The following TRPV3 variants were observed in gnomAD, a reference collection of about 807,000 sequenced individuals.
TRPV3 encodes the protein VRL-3.
TRPV3 carries 88 observed loss-of-function variants against 87.1 expected under a neutral mutation model. The observed-to-expected ratio is 1.01, with a 90% confidence interval of 0.85 to 1.21. The LOEUF (loss-of-function observed/expected upper bound fraction) is 1.21. TRPV3 is among the 50% of genes most tolerant of loss of function. TRPV3 has a pLI of 0.00. For missense variants in TRPV3, 1,054 were observed against 1,030.1 expected (o/e 1.02, Z -0.32); for synonymous variants, 438 against 423.3 (o/e 1.03, Z -0.43).
chr17:3,550,466 C>T (rs1472847820), intron 2 of TRPV3, among the ~76,000 whole-genome samples: 5 of 151,896 alleles, frequency 3.3e-5, no homozygotes, highest in Non-Finnish European at 5.9e-5. Flanking sequence ...TGCTGGGCTA[C>T]CCGGCTGCTT....
At position 3,518,907 on chromosome 17, in the gene TRPV3, A is replaced by G; in HGVS notation, c.1811-57T>C. 1 of 1,550,424 alleles carries G rather than the reference A, an allele frequency of 6.4e-7. No homozygotes were observed. Among genetic ancestry groups the G allele is most frequent in the South Asian group, 1.2e-5 (1 of 80,780 alleles). ...CTCTCTGCCTGGTAATTACTCTACAAGCTTGCGTGTATTTGCCTACATGAC... is the reference window on the plus strand; with the variant it reads ...CTCTCTGCCTGGTAATTACTCTACAGGCTTGCGTGTATTTGCCTACATGAC... On this transcript the variant is annotated intron_variant, in intron 14 of 17. Transcript: ENST00000576742. The surrounding 1 kb of genome is among the most constrained non-coding windows in gnomAD (Gnocchi z 4.3).
chr17:3,520,486 G>A (rs1020625309), intron 14 of TRPV3, among the ~76,000 whole-genome samples: 3 of 152,210 alleles, frequency 2.0e-5, no homozygotes, highest in Non-Finnish European at 4.4e-5. Context: ...AACACTTGCA[G>A]AACCTATCTT....
intron 15 of TRPV3, among the ~76,000 whole-genome samples, chr17:3,517,398 G>A (rs59211937): frequency 0.26 from 38,988 of 151,664 alleles, 5,459 homozygotes; most frequent in East Asian, 0.57. Flanking sequence ...CGGGCGAATC[G>A]CTTTGAGCTC....
Position 3,544,581 on chromosome 17 carries a change from G to A in TRPV3, c.309C>T (p.Pro103=). The part of the protein sequence containing the change: ...VTETPSNPNS[P]SAQLAKEEQR... The stretch of plus-strand genomic sequence containing the variant: ...TGGAGGGGGAGGGGCAGACTTACCT[G>A]GGGCTGTTGGGATTGGATGGGGTCT... The change falls in exon 4 of 18, where the codon CCC becomes CCT. Residue 103 remains proline, a splice_region_variant and synonymous_variant. Coordinates refer to ENST00000576742, the MANE Select transcript of TRPV3 (RefSeq NM_145068.4). The A allele has an allele frequency of 6.2e-7, 1 of 1,601,410 alleles. No individual in the cohort carries two copies. Among genetic ancestry groups the A allele is most frequent in the South Asian group, 1.1e-5 (1 of 89,646 alleles).
At chr17:3,519,602 CTGGATGGATGGATGGA>C (rs60629683) in intron 14 of TRPV3, among the ~76,000 whole-genome samples, 2 of 93,584 alleles carry the variant, frequency 2.1e-5, no homozygotes, top group Non-Finnish European at 4.1e-5. Flanking sequence ...GGATGGATGA[CTGGATGGATGGATGGA>C]TGGATGGATG....
intron 14 of TRPV3, among the ~76,000 whole-genome samples, chr17:3,520,698 T>C (rs1207577499): frequency 6.6e-6 from 1 of 152,162 alleles, no homozygotes; most frequent in East Asian, 1.9e-4. Flanking sequence ...ATATACCTAA[T>C]GTAAATGACG....
In TRPV3 at chr17:3,530,323, TGCCTCTGCGCCTGGCGCCATG is replaced by T. The variant is rs2074338333; in HGVS notation, c.1066-141_1066-121del. 1 of 982,070 alleles carries T rather than the reference TGCCTCTGCGCCTGGCGCCATG, an allele frequency of 1.0e-6. No homozygotes were observed. 60.8% of individuals were successfully genotyped at this position (982,070 alleles called of 1,614,324 possible). On this transcript the variant is annotated intron_variant, in intron 8 of 17. Coordinates refer to ENST00000576742, the MANE Select transcript of TRPV3 (RefSeq NM_145068.4). The surrounding 1 kb of genome is among the most constrained non-coding windows in gnomAD (Gnocchi z 4.0). Reference sequence around the variant, plus strand: ...CACCCGCCCAGAATGGGTGGAGACCTGCCTCTGCGCCTGGCGCCATGGCCCCTGGGCCCCGTCTTTATCTGT... The same window carrying T: ...CACCCGCCCAGAATGGGTGGAGACCTGCCCCTGGGCCCCGTCTTTATCTGT...
At chr17:3,529,726 A>G (rs1306386345) in intron 9 of TRPV3, among the ~76,000 whole-genome samples, 1 of 151,934 alleles carries the variant, frequency 6.6e-6, no homozygotes, top group Non-Finnish European at 1.5e-5. Context: ...CAATCACCCC[A>G]TCACCCACAC....
rs372424792 is a variant in TRPV3, at chr17:3,518,686, T to C, written c.1975A>G (p.Ile659Val). The change falls in exon 15 of 18, where the codon ATC (isoleucine) becomes GTC (valine). Residue 659 changes from isoleucine to valine, a missense_variant. Ile to Val is a conservative substitution (Grantham distance 29). Transcript: ENST00000576742. The surrounding 1 kb of genome is among the most constrained non-coding windows in gnomAD (Gnocchi z 4.3). ...KYPILFLFLL[I>V]TYVILTFVLL... ...ACAAAGGTGAGGATGACATAGGTGA[T>C]GAGCAGGAACAGAAAGAGAATGGGA... The C allele has an allele frequency of 3.1e-6, 5 of 1,609,804 alleles. No homozygotes were observed. In the African/African-American group the frequency reaches 4.0e-5, roughly 13 times the overall value.
intron 6 of TRPV3, among the ~76,000 whole-genome samples, chr17:3,536,444 C>T (rs562959311): frequency 2.2e-4 from 34 of 152,220 alleles, no homozygotes; most frequent in East Asian, 1.2e-3. Context: ...CAAAATTAGC[C>T]GGCCGTGGGG....
At chr17:3,514,468 G>A (rs2074155539) in intron 17 of TRPV3, 125 bp downstream of exon 17, 1 of 695,752 alleles carries the variant, frequency 1.4e-6, no homozygotes, top group Non-Finnish European at 2.6e-6. Flanking sequence ...AGAGACCTAA[G>A]AAGCATTTCC....
At position 3,527,241 on chromosome 17, in the gene TRPV3, C is replaced by T. The variant is rs79451710; in HGVS notation, c.1504-314G>A. ...ACATCCAGCCTAGCGTTCCAGCCTC[C>T]GAGCCTTTGCTCATGCTGTTCCCCA... On this transcript the variant is annotated intron_variant, in intron 11 of 17. Transcript: ENST00000576742. Among the ~76,000 whole-genome samples the T allele has an allele frequency of 9.4e-3, 1,438 of 152,288 alleles. 32 individuals carry two copies. Among genetic ancestry groups the T allele is most frequent in the East Asian group, 0.093 (482 of 5,178 alleles).
At chr17:3,535,062 G>A (rs1325818963) in intron 7 of TRPV3, among the ~76,000 whole-genome samples, 1 of 151,302 alleles carries the variant, frequency 6.6e-6, no homozygotes. Context: ...CTCCCCTCCT[G>A]CCCCTCTGGG....
At chr17:3,533,501 CTTT>C (rs11378089) in intron 7 of TRPV3, among the ~76,000 whole-genome samples, 1 of 139,254 alleles carries the variant, frequency 7.2e-6, no homozygotes, top group Non-Finnish European at 1.5e-5. Context: ...CTCTGCTTTA[CTTT>C]TTTTTTTTTT....
chr17:3,529,793 G>A (rs887613268), intron 9 of TRPV3, among the ~76,000 whole-genome samples: 5 of 32,766 alleles, frequency 1.5e-4, no homozygotes, highest in African/African-American at 5.1e-4. Flanking sequence ...CACCGCCCCC[G>A]CCACCACCAC....
chr17:3,545,022 AAATAAT>A, intron 3 of TRPV3, 139 bp downstream of exon 3: 1 of 580,348 alleles, frequency 1.7e-6, no homozygotes. Flanking sequence ...TCAAAAAGAT[AAATAAT>A]AATAATAAAG....
At chr17:3,545,629 T>G (rs2074516731) in intron 2 of TRPV3, among the ~76,000 whole-genome samples, 1 of 151,476 alleles carries the variant, frequency 6.6e-6, no homozygotes, top group African/African-American at 2.4e-5. Context: ...CTGAACAAGA[T>G]TCTGAGGGCC....
At chr17:3,524,135 T>C in intron 13 of TRPV3, 63 bp downstream of exon 13, 5 of 1,585,486 alleles carry the variant, frequency 3.2e-6, no homozygotes, top group Non-Finnish European at 4.3e-6. Flanking sequence ...CAGATCTCAG[T>C]TTCCCCATCT....
chr17:3,545,587 C>T lies in TRPV3; in HGVS notation c.120-316G>A, dbSNP rs1244425872. Among the ~76,000 whole-genome samples the T allele has an allele frequency of 2.6e-5, 4 of 151,984 alleles. No individual in the cohort carries two copies. In the South Asian group the frequency reaches 8.3e-4, roughly 32 times the overall value. On this transcript the variant is annotated intron_variant, in intron 2 of 17. Transcript: ENST00000576742. ...ACACCCGGGAAGAAGACACACAAGC[C>T]CCAGTAGGATCTGTGGCCCACACTT... is the stretch of plus-strand genomic sequence containing the variant.
Sources: allele counts gnomAD v4.1 joint callset (sites outside exome capture counted in the v4.1 genomes callset), GRCh38; gene constraint gnomAD v4.1.1; non-coding constraint Gnocchi (gnomAD v3.1); transcripts MANE v1.5; gene names NCBI Gene and HGNC (gene_info 2026-07-23, HGNC 2026-07-21).